Variants in WSCD2 observed in about 807,000 individuals in gnomAD.
The protein encoded by WSCD2 is WSC domain sialate O sulfotransferase 2.
WSCD2 carries 28 observed loss-of-function variants against 55.7 expected under a neutral mutation model. The observed-to-expected ratio is 0.50, with a 90% CI of 0.37 to 0.69. WSCD2 has a LOEUF of 0.69. Among genes scored for constraint, WSCD2 ranks in the 30% least tolerant of loss-of-function variants. WSCD2 has a pLI of 0.00. For missense variants in WSCD2, 616 were observed against 762.1 expected, an observed-to-expected ratio of 0.81 and a Z score of 2.26; for synonymous variants, 301 against 301.9, an observed-to-expected ratio of 1.00 and a Z score of 0.03.
chr12:108,134,310 GC>G (rs1376260551), intron 1 of WSCD2, among the ~76,000 whole-genome samples: 2 of 151,926 alleles, frequency 1.3e-5, no homozygotes, highest in Non-Finnish European at 2.9e-5. Flanking sequence ...CAAAACTTAT[GC>G]CCCTGCCCCC....
intron 1 of WSCD2, among the ~76,000 whole-genome samples, chr12:108,130,478 GTGTGTGT>G (rs1565905444): frequency 0.095 from 4,438 of 46,568 alleles, 112 homozygotes; most frequent in Non-Finnish European, 0.14. Context: ...ATTCTGGGGT[GTGTGTGT>G]GTGTGTGTGT....
chr12:108,241,028 C>T (rs1593124307), intron 8 of WSCD2, among the ~76,000 whole-genome samples: 2 of 152,264 alleles, frequency 1.3e-5, no homozygotes, highest in East Asian at 3.9e-4. Context: ...AGAGCCCCAC[C>T]CTGGGAGTCG....
intron 7 of WSCD2, 26 bp from the exon 8 acceptor site, chr12:108,240,318 T>A (rs769871104): frequency 6.2e-7 from 1 of 1,613,236 alleles, no homozygotes; most frequent in South Asian, 1.1e-5. Flanking sequence ...TCACCAGTCC[T>A]GTTCCTCACC....
chr12:108,146,840 A>G (rs74359839), intron 1 of WSCD2, among the ~76,000 whole-genome samples: 2,830 of 152,342 alleles, frequency 0.019, 91 homozygotes, highest in African/African-American at 0.065. Flanking sequence ...TTCAAGCTCA[A>G]GTCAGGATGG....
intron 4 of WSCD2, among the ~76,000 whole-genome samples, chr12:108,214,580 G>T (rs1049001416): frequency 6.6e-6 from 1 of 152,146 alleles, no homozygotes; most frequent in Non-Finnish European, 1.5e-5. Flanking sequence ...GAACATTATG[G>T]CTTTACGCGA....
chr12:108,232,337 C>T (rs961926322), intron 6 of WSCD2, among the ~76,000 whole-genome samples: 8 of 152,020 alleles, frequency 5.3e-5, no homozygotes, highest in East Asian at 1.9e-4. Context: ...AAAAAATACA[C>T]GACGGATGCC....
At chr12:108,163,771 CT>C (rs1446442156) in intron 1 of WSCD2, among the ~76,000 whole-genome samples, 5 of 152,212 alleles carry the variant, frequency 3.3e-5, no homozygotes. Context: ...CAGATTCTCC[CT>C]GAAGCCTCCA....
intron 6 of WSCD2, among the ~76,000 whole-genome samples, chr12:108,227,712 A>G (rs1416276198): frequency 7.3e-6 from 1 of 137,140 alleles, no homozygotes; most frequent in Non-Finnish European, 1.6e-5. Flanking sequence ...GCTACCAGAC[A>G]TGATGATAAT....
intron 2 of WSCD2, among the ~76,000 whole-genome samples, chr12:108,197,438 G>T (rs918842870): frequency 1.3e-5 from 2 of 152,116 alleles, no homozygotes; most frequent in Non-Finnish European, 2.9e-5. Context: ...TGGTAGAATG[G>T]ATCAGGGGAT....
intron 1 of WSCD2, among the ~76,000 whole-genome samples, chr12:108,190,429 C>G (rs554083062): frequency 1.3e-5 from 2 of 152,202 alleles, no homozygotes; most frequent in East Asian, 3.9e-4. Flanking sequence ...GCCTCTGCCC[C>G]CCAAGTCAGG....
At chr12:108,239,354 T>A (rs1299424102) in intron 7 of WSCD2, among the ~76,000 whole-genome samples, 1 of 152,190 alleles carries the variant, frequency 6.6e-6, no homozygotes, top group Non-Finnish European at 1.5e-5. Context: ...CCTTTCTGGA[T>A]GCCACTTGAC....
At chr12:108,143,820 C>A (rs992021065) in intron 1 of WSCD2, among the ~76,000 whole-genome samples, 2 of 152,156 alleles carry the variant, frequency 1.3e-5, no homozygotes, top group Non-Finnish European at 2.9e-5. Context: ...CCCTAGCAAG[C>A]CCCCAGCTCC....
At chr12:108,222,801 G>T (rs1194016723) in intron 4 of WSCD2, among the ~76,000 whole-genome samples, 1 of 152,096 alleles carries the variant, frequency 6.6e-6, no homozygotes, top group Non-Finnish European at 1.5e-5. Flanking sequence ...GTAGAAAAAA[G>T]TTAGAAAAGA....
intron 3 of WSCD2, among the ~76,000 whole-genome samples, chr12:108,209,841 C>T (rs1163787916): frequency 6.6e-6 from 1 of 152,040 alleles, no homozygotes; most frequent in Non-Finnish European, 1.5e-5. Flanking sequence ...CAGGGTCTTC[C>T]TGTGTGCTAC....
intron 1 of WSCD2, among the ~76,000 whole-genome samples, chr12:108,179,099 G>T (rs1241662688): frequency 6.6e-6 from 1 of 152,090 alleles, no homozygotes; most frequent in Non-Finnish European, 1.5e-5. Flanking sequence ...TTTTTTTCCG[G>T]CCTCCTCTAA....
chr12:108,193,052 A>G (rs1346874922), intron 1 of WSCD2, among the ~76,000 whole-genome samples: 1 of 152,108 alleles, frequency 6.6e-6, no homozygotes, highest in African/African-American at 2.4e-5. Flanking sequence ...TGGGTTTACC[A>G]TCCTGCTGCC....
intron 1 of WSCD2, among the ~76,000 whole-genome samples, chr12:108,180,938 C>T (rs1881644644): frequency 6.6e-6 from 1 of 152,248 alleles, no homozygotes; most frequent in Admixed American, 6.5e-5. Context: ...CAACCACTTC[C>T]TCTACAGATG....
At chr12:108,217,201 G>A (rs1238566841) in intron 4 of WSCD2, among the ~76,000 whole-genome samples, 1 of 152,202 alleles carries the variant, frequency 6.6e-6, no homozygotes, top group African/African-American at 2.4e-5. Context: ...GCTGACCCAG[G>A]TCTGTCTGAC....
At chr12:108,194,993 A>G (rs1883718912) in intron 1 of WSCD2, among the ~76,000 whole-genome samples, 1 of 152,186 alleles carries the variant, frequency 6.6e-6, no homozygotes, top group Non-Finnish European at 1.5e-5. Flanking sequence ...GAGCAAAGCA[A>G]ACCACTGGCC....
Sources: gnomAD v4.1 joint callset for allele counts (sites outside exome capture counted in the v4.1 genomes callset) on GRCh38, gnomAD v4.1.1 for gene constraint, MANE v1.5 for transcripts, NCBI Gene and HGNC (gene_info 2026-07-23, HGNC 2026-07-21) for gene names.